Variants in RAP1GAP2 observed in about 807,000 individuals in gnomAD.
RAP1GAP2 encodes RAP1 GTPase activating protein 2.
A neutral mutation model predicts 95.0 loss-of-function variants in RAP1GAP2; 27 were observed. The observed-to-expected ratio is 0.28, with a 90% CI of 0.21 to 0.39. RAP1GAP2 has a LOEUF of 0.39. RAP1GAP2 is among the 10% of genes least tolerant of loss of function. The pLI, the probability that RAP1GAP2 is intolerant of heterozygous loss-of-function variation, is 1.00. For missense variants in RAP1GAP2, 771 were observed against 970.0 expected (o/e 0.79, Z 2.72); for synonymous variants, 373 against 380.9 (o/e 0.98, Z 0.24).
chr17:2,828,706 C>T (rs947718621), intron 2 of RAP1GAP2, among the ~76,000 whole-genome samples: 2 of 152,148 alleles, frequency 1.3e-5, no homozygotes, highest in African/African-American at 4.8e-5. Context: ...GCTGTGGGCT[C>T]ATCACAGGCT....
intron 2 of RAP1GAP2, among the ~76,000 whole-genome samples, chr17:2,876,998 C>G (rs943982596): frequency 2.1e-4 from 32 of 151,110 alleles, no homozygotes; most frequent in African/African-American, 7.6e-4. Flanking sequence ...AAGCGATTCT[C>G]CTGCCTCAGC....
intron 1 of RAP1GAP2, 30 bp from the exon 2 acceptor site, chr17:2,800,485 T>C (rs1012998770): frequency 6.2e-7 from 1 of 1,608,458 alleles, no homozygotes; most frequent in Non-Finnish European, 8.5e-7. Context: ...GCCTCAGCAC[T>C]GACCGGAGCC....
chr17:2,991,231 T>C (rs1175135875), intron 11 of RAP1GAP2, 66 bp from the exon 12 acceptor site: 1 of 1,290,626 alleles, frequency 7.7e-7, no homozygotes, highest in Non-Finnish European at 1.1e-6. Flanking sequence ...TGGGCATCCA[T>C]ATTCCTTCCT....
At chr17:2,800,143 C>T in intron 1 of RAP1GAP2, 1 of 981,998 alleles carries the variant, frequency 1.0e-6, no homozygotes, top group Non-Finnish European at 1.2e-6. Flanking sequence ...AGCCGGGTTG[C>T]TGGGTTCTCT....
At chr17:2,921,740 A>G (rs796834904) in intron 3 of RAP1GAP2, among the ~76,000 whole-genome samples, 42 of 49,958 alleles carry the variant, frequency 8.4e-4, no homozygotes, top group Middle Eastern at 9.4e-3. Flanking sequence ...TGTCAGCAGG[A>G]CCGTTAAGGT....
intron 13 of RAP1GAP2, among the ~76,000 whole-genome samples, chr17:2,996,761 T>C (rs1156383930): frequency 6.6e-6 from 1 of 152,186 alleles, no homozygotes; most frequent in Admixed American, 6.5e-5. Flanking sequence ...TGAGTAAATA[T>C]TAAGTTTCTC....
intron 2 of RAP1GAP2, among the ~76,000 whole-genome samples, chr17:2,828,284 T>C (rs2070671960): frequency 1.3e-5 from 2 of 152,022 alleles, no homozygotes; most frequent in Non-Finnish European, 2.9e-5. Flanking sequence ...GAGGTTGCAG[T>C]GAGCCGAGAT....
intron 2 of RAP1GAP2, among the ~76,000 whole-genome samples, chr17:2,882,454 G>T (rs2073341650): frequency 6.6e-6 from 1 of 152,000 alleles, no homozygotes; most frequent in South Asian, 2.1e-4. Context: ...ACCACGCCCG[G>T]CTAATTTTTG....
rs1180414049 is a variant in RAP1GAP2, at chr17:2,980,920, A to T, written c.676-275A>T. ...AATTGTGCTGGAAACCTTTGGTGGCAGTTGTGGGCTGGATAGTTTTTGGCC... is the reference window on the plus strand; with the variant it reads ...AATTGTGCTGGAAACCTTTGGTGGCTGTTGTGGGCTGGATAGTTTTTGGCC... On this transcript the variant is annotated intron_variant, in intron 9 of 24. Coordinates refer to ENST00000254695, the MANE Select transcript of RAP1GAP2 (RefSeq NM_015085.5). 2.0e-5 allele frequency among the ~76,000 whole-genome samples: 3 copies of T among 152,186 alleles called. No individual in the cohort carries two copies. The East Asian group carries it at 5.8e-4, about 29-fold the overall frequency.
chr17:2,942,582 C>T (rs987265180), intron 3 of RAP1GAP2, among the ~76,000 whole-genome samples: 9 of 151,810 alleles, frequency 5.9e-5, no homozygotes, highest in African/African-American at 2.4e-5. Context: ...AAATAGTGGC[C>T]GCCCCCTTTG....
At chr17:2,774,912 C>T (rs1265629586), upstream of RAP1GAP2, among the ~76,000 whole-genome samples, 1 of 151,012 alleles carries the variant, frequency 6.6e-6, no homozygotes, top group Non-Finnish European at 1.5e-5. Flanking sequence ...CCTCCGCCTC[C>T]CAGATTCAAG....
intron 2 of RAP1GAP2, among the ~76,000 whole-genome samples, chr17:2,875,640 T>C (rs1320649508): frequency 2.0e-5 from 3 of 152,136 alleles, no homozygotes; most frequent in Admixed American, 6.6e-5. Context: ...GACAGGAGGA[T>C]TGCATTTCTC....
chr17:2,861,774 C>T (rs961424826), intron 2 of RAP1GAP2, among the ~76,000 whole-genome samples: 11 of 152,258 alleles, frequency 7.2e-5, no homozygotes, highest in South Asian at 2.1e-4. Flanking sequence ...GCCCTCCTCC[C>T]GTGCTGAGTA....
chr17:2,800,833 CTT>C, intron 2 of RAP1GAP2, among the ~76,000 whole-genome samples: 5 of 126,748 alleles, frequency 3.9e-5, no homozygotes, highest in African/African-American at 1.5e-4. Flanking sequence ...TTTTCTTTTT[CTT>C]TTTCTTTCTT....
At chr17:2,780,107 G>A (rs113139406) in intron 1 of RAP1GAP2, among the ~76,000 whole-genome samples, 5,307 of 152,278 alleles carry the variant, frequency 0.035, 290 homozygotes, top group African/African-American at 0.12. Flanking sequence ...CTGGAGTGCA[G>A]TGGCGCGATC....
At chr17:2,958,606 T>C (rs2044204891) in intron 4 of RAP1GAP2, among the ~76,000 whole-genome samples, 1 of 151,672 alleles carries the variant, frequency 6.6e-6, no homozygotes, top group Non-Finnish European at 1.5e-5. Flanking sequence ...ATAGGACAGG[T>C]GAGAAAATCG....
intron 17 of RAP1GAP2, among the ~76,000 whole-genome samples, chr17:3,013,184 C>T (rs1011776741): frequency 4.6e-5 from 7 of 152,212 alleles, no homozygotes; most frequent in African/African-American, 1.7e-4. Context: ...ACAGCTATCC[C>T]TGGCAGTCTT....
At chr17:2,957,405 T>A (rs937895382) in intron 3 of RAP1GAP2, among the ~76,000 whole-genome samples, 5 of 152,188 alleles carry the variant, frequency 3.3e-5, no homozygotes, top group Non-Finnish European at 7.3e-5. Context: ...GTTGAAAACA[T>A]CCTAAATATG....
At chr17:2,824,917 C>T (rs1465022691) in intron 2 of RAP1GAP2, among the ~76,000 whole-genome samples, 2 of 151,944 alleles carry the variant, frequency 1.3e-5, no homozygotes, top group South Asian at 2.1e-4. Flanking sequence ...TCCAATTTTA[C>T]CCCAAAACGT....
Sources: gnomAD v4.1 joint callset for allele counts (sites outside exome capture counted in the v4.1 genomes callset) on GRCh38, gnomAD v4.1.1 for gene constraint, MANE v1.5 for transcripts, NCBI Gene and HGNC (gene_info 2026-07-23, HGNC 2026-07-21) for gene names.